ADARB2: variants seen among roughly 807,000 people sequenced by gnomAD.
The protein encoded by ADARB2 is adenosine deaminase RNA specific B2 (inactive).
Under a neutral mutation model 62.2 loss-of-function variants are expected in ADARB2, and 25 were observed. That is an observed-to-expected ratio of 0.40 (90% confidence interval 0.29 to 0.56). ADARB2 has a LOEUF of 0.56. Ranked by LOEUF, ADARB2 falls within the 20% of genes least tolerant of loss-of-function variation. The pLI is 0.43. For missense variants in ADARB2, 1,071 were observed against 1,077.4 expected, an observed-to-expected ratio of 0.99 and a Z score of 0.08; for synonymous variants, 572 against 500.8, an observed-to-expected ratio of 1.14 and a Z score of -1.90.
chr10:1,400,058 T>C (rs1360763984), intron 1 of ADARB2, among the ~76,000 whole-genome samples: 7 of 152,180 alleles, frequency 4.6e-5, no homozygotes, highest in Non-Finnish European at 5.9e-5. Context: ...CAGGTTCAGA[T>C]CAGGGGAAAA....
At chr10:1,648,527 T>G (rs1834072678) in intron 1 of ADARB2, among the ~76,000 whole-genome samples, 2 of 152,198 alleles carry the variant, frequency 1.3e-5, no homozygotes, top group South Asian at 4.1e-4. Context: ...CTTGGAATCG[T>G]CCCTGCCTAC....
intron 1 of ADARB2, among the ~76,000 whole-genome samples, chr10:1,663,553 T>C (rs1314063902): frequency 6.6e-6 from 1 of 152,216 alleles, no homozygotes; most frequent in African/African-American, 2.4e-5. Context: ...CCTTTGCAGA[T>C]GGGCTTCTTT....
In ADARB2 at chr10:1,184,899, G is replaced by C; in HGVS notation, c.2005C>G (p.His669Asp). The C allele has an allele frequency of 6.2e-7, 1 of 1,613,858 alleles. No individual in the cohort carries two copies. The highest frequency in any genetic ancestry group is 8.5e-7 in the Non-Finnish European group (1 of 1,180,034). ...CGCGCCCACCGTGCAGACAGCACGT[G>C]CTTGCAGAGCCGGGATGGGCCCCCA... ...SCGGPSRLCK[H>D]VLSARWARLY... The change falls in exon 9 of 10, where the codon CAC becomes GAC. Residue 669 changes from histidine (H) to aspartate (D), a missense_variant. By Grantham distance (81) the His-to-Asp change is moderately conservative (BLOSUM62 -1). Coordinates refer to ENST00000381312, the MANE Select transcript of ADARB2 (RefSeq NM_018702.4).
At chr10:1,617,225 C>T (rs12773004) in intron 1 of ADARB2, among the ~76,000 whole-genome samples, 150 of 132,028 alleles carry the variant, frequency 1.1e-3, no homozygotes, top group Middle Eastern at 4.4e-3. Flanking sequence ...CACTCCACAC[C>T]GCCCTGCTGT....
intron 8 of ADARB2, chr10:1,199,302 G>A (rs1004654074): frequency 2.6e-5 from 4 of 150,966 alleles, no homozygotes; most frequent in African/African-American, 4.9e-5. Flanking sequence ...GACCACTCCC[G>A]GGGCTTTCTA....
rs370039768 is a variant in ADARB2 at position 1,716,112 on chromosome 10, G to A, written c.100+20939C>T. Among the ~76,000 whole-genome samples, 11 of 152,114 alleles carry A rather than the reference G, an allele frequency of 7.2e-5. No homozygotes were observed. The East Asian group carries it at 1.2e-3, about 16-fold the overall frequency. On this transcript the variant is annotated intron_variant, in intron 1 of 9. Coordinates refer to ENST00000381312, the MANE Select transcript of ADARB2 (RefSeq NM_018702.4). ...ATTGCTAACTGGGTGCACCGTGCGC[G>A]TTCCACAATGACTCATGCACACCTG...
intron 1 of ADARB2, among the ~76,000 whole-genome samples, chr10:1,604,820 C>G (rs1055612106): frequency 6.6e-6 from 1 of 152,180 alleles, no homozygotes; most frequent in Non-Finnish European, 1.5e-5. Flanking sequence ...AAGGGGCACC[C>G]AACCACTTCT....
chr10:1,189,836 CGCT>C (rs1836815341), intron 8 of ADARB2, among the ~76,000 whole-genome samples: 20 of 95,438 alleles, frequency 2.1e-4, no homozygotes, highest in Non-Finnish European at 1.0e-4. Flanking sequence ...GAACACGTGG[CGCT>C]ACCTCCTTCC....
intron 6 of ADARB2, among the ~76,000 whole-genome samples, chr10:1,228,939 C>T (rs994904304): frequency 6.6e-6 from 1 of 152,210 alleles, no homozygotes; most frequent in Admixed American, 6.5e-5. Flanking sequence ...CAAAACCCGA[C>T]CTGTGCTCAG....
intron 1 of ADARB2, among the ~76,000 whole-genome samples, chr10:1,635,172 T>G (rs1004075316): frequency 6.6e-6 from 1 of 152,188 alleles, no homozygotes; most frequent in African/African-American, 2.4e-5. Context: ...CAACCATGGG[T>G]GCCACAGTTT....
chr10:1,576,303 G>GCTCAGGGTCACAGGATGGGT (rs1310063397), intron 1 of ADARB2, among the ~76,000 whole-genome samples: 3 of 151,026 alleles, frequency 2.0e-5, no homozygotes, highest in East Asian at 2.0e-4. Flanking sequence ...CACTGGAGGG[G>GCTCAGGGTCACAGGATGGGT]CTCAGGGTCA....
Position 1,255,341 on chromosome 10 carries a change from C to A in ADARB2, c.1193-13042G>T, listed in dbSNP as rs776100605. ...GGTGCCACGTCACGTAGCTTGTCCT[C>A]GTCAGTGCAGCTGACGCTCACCAAG... On this transcript the variant is annotated intron_variant, in intron 4 of 9. Coordinates refer to ENST00000381312, the MANE Select transcript of ADARB2 (RefSeq NM_018702.4). This position sits in a 1 kb window ranked among gnomAD's most constrained non-coding sequence, Gnocchi z 4.7. Among the ~76,000 whole-genome samples the A allele has an allele frequency of 6.6e-6, 1 of 152,256 alleles. No individual in the cohort carries two copies. Among genetic ancestry groups the A allele is most frequent in the African/African-American group, 2.4e-5 (1 of 41,460 alleles).
At chr10:1,635,214 G>A (rs1833904948) in intron 1 of ADARB2, among the ~76,000 whole-genome samples, 1 of 152,212 alleles carries the variant, frequency 6.6e-6, no homozygotes, top group African/African-American at 2.4e-5. Flanking sequence ...GTTACCTTGA[G>A]AATGATCACC....
At chr10:1,366,832 C>T (rs887081269) in intron 2 of ADARB2, among the ~76,000 whole-genome samples, 5 of 152,258 alleles carry the variant, frequency 3.3e-5, no homozygotes, top group African/African-American at 1.2e-4. Context: ...ACAGGCTTCC[C>T]TTCACTCATT....
At chr10:1,225,499 C>G (rs2131762532) in intron 6 of ADARB2, among the ~76,000 whole-genome samples, 1 of 152,290 alleles carries the variant, frequency 6.6e-6, no homozygotes, top group Non-Finnish European at 1.5e-5. Context: ...GCAGTTTCTT[C>G]CTAGCCTTGA....
intron 7 of ADARB2, among the ~76,000 whole-genome samples, chr10:1,215,401 T>C (rs545959243): frequency 2.0e-5 from 3 of 152,320 alleles, no homozygotes; most frequent in African/African-American, 4.8e-5. Flanking sequence ...CAGGACCCCA[T>C]GGGCACAAAA....
chr10:1,346,739 G>A (rs960298238), intron 3 of ADARB2, among the ~76,000 whole-genome samples: 2 of 152,258 alleles, frequency 1.3e-5, no homozygotes, highest in African/African-American at 4.8e-5. Context: ...CAGCAGGCCG[G>A]GAGCCAGGCC....
rs1379686486 is a variant in ADARB2 at position 1,363,739 on chromosome 10, C to G, written c.366G>C (p.Trp122Cys). Residue 122 changes from tryptophan to cysteine, a missense_variant, in exon 3 of 10, where the codon TGG becomes TGC. Trp to Cys is a radical substitution (Grantham distance 215, BLOSUM62 -2). Transcript: ENST00000381312. ...CCAGCGCGTTCTTGGGCGCCACCGA[C>G]CACGACAGCTTCTTCCAGACCAGCT... ...KLQLVWKKLS[W>C]SVAPKNALVQ... The G allele has an allele frequency of 9.3e-6, 15 of 1,609,012 alleles. No homozygotes were observed. The highest frequency in any genetic ancestry group is 1.3e-5 in the Non-Finnish European group (15 of 1,179,524).
chr10:1,183,342 C>T lies in ADARB2; in HGVS notation c.2071G>A (p.Asp691Asn), dbSNP rs150271214. Residue 691 changes from aspartate (D) to asparagine (N), a missense_variant, in exon 10 of 10, where the codon GAC (aspartate) becomes AAC (asparagine). Coordinates refer to ENST00000381312, the MANE Select transcript of ADARB2 (RefSeq NM_018702.4). ...RLSTRTPSPG[D>N]TPSMYCEAKL... ...GCCTCACAGTACATGGAGGGCGTGT[C>T]TCCAGGGCTGGGTGTCCGTGTGCTC... 4.5e-5 allele frequency: 72 copies of T among 1,614,032 alleles called. No individual in the cohort carries two copies. In the African/African-American group the frequency reaches 7.5e-4, roughly 17 times the overall value.
Sources: allele counts gnomAD v4.1 joint callset (sites outside exome capture counted in the v4.1 genomes callset), GRCh38; gene constraint gnomAD v4.1.1; non-coding constraint Gnocchi (gnomAD v3.1); transcripts MANE v1.5; gene names NCBI Gene and HGNC (gene_info 2026-07-23, HGNC 2026-07-21).